TENM1: variants seen among roughly 807,000 people sequenced by gnomAD.
The protein encoded by TENM1 is teneurin-1.
Under a neutral mutation model 174.8 loss-of-function variants are expected in TENM1, and 35 were observed. The observed-to-expected ratio is 0.20, with a 90% CI of 0.15 to 0.27. The LOEUF (loss-of-function observed/expected upper bound fraction) is 0.27, where lower values mean the gene tolerates loss of function less well. Ranked by LOEUF, TENM1 falls within the 10% of genes least tolerant of loss-of-function variation. The pLI, the probability that TENM1 is intolerant of heterozygous loss-of-function variation, is 1.00. For missense variants in TENM1, 1,633 were observed against 2,130.1 expected (o/e 0.77, Z 4.59); for synonymous variants, 781 against 798.7 (o/e 0.98, Z 0.37).
chrX:124,725,220 A>G (rs901415874), intron 4 of TENM1, among the ~76,000 whole-genome samples: 3 of 111,014 alleles, frequency 2.7e-5, no homozygotes, highest in Non-Finnish European at 5.7e-5. Context: ...AAAAAGATCA[A>G]TGTTTTAGGG....
chrX:124,999,521 T>C, the TENM1 span, among the ~76,000 whole-genome samples: 11 of 111,093 alleles, frequency 9.9e-5, no homozygotes, highest in Admixed American at 2.9e-4. Context: ...AAATAGGAGC[T>C]GTCCTAAAAT....
chrX:124,788,283 A>G (rs2055090067), intron 3 of TENM1, among the ~76,000 whole-genome samples: 1 of 110,936 alleles, frequency 9.0e-6, no homozygotes, highest in Non-Finnish European at 1.9e-5. Flanking sequence ...CCTATAACAC[A>G]CGGAAATTAT....
the TENM1 span, chrX:125,204,049 C>T: frequency 1.8e-5 from 2 of 113,766 alleles, no homozygotes; most frequent in African/African-American, 3.2e-5. Context: ...CCGAACCTAG[C>T]TACTATTGCA....
intron 11 of TENM1, among the ~76,000 whole-genome samples, chrX:124,593,554 T>G (rs1448603896): frequency 9.0e-6 from 1 of 111,696 alleles, no homozygotes; most frequent in African/African-American, 3.3e-5. Context: ...GATTTCTGCC[T>G]GGGCATGGGG....
chrX:125,088,442 G>A, the TENM1 span, among the ~76,000 whole-genome samples: 1 of 111,250 alleles, frequency 9.0e-6, no homozygotes, highest in Non-Finnish European at 1.9e-5. Context: ...GTGGTTCATT[G>A]TGACAAATAT....
intron 27 of TENM1, among the ~76,000 whole-genome samples, chrX:124,398,482 AT>A (rs1405166141): frequency 1.8e-5 from 2 of 110,777 alleles, no homozygotes; most frequent in African/African-American, 6.6e-5. Flanking sequence ...TGGAATTCCC[AT>A]TTTTTTCTTT....
At chrX:124,584,668 C>T (rs5958535) in intron 11 of TENM1, among the ~76,000 whole-genome samples, 23,744 of 109,973 alleles carry the variant, frequency 0.22, 1,963 homozygotes, top group South Asian at 0.39. Flanking sequence ...ATGACAGGAT[C>T]AAATTCACAC....
the TENM1 span, among the ~76,000 whole-genome samples, chrX:125,006,303 C>CT: frequency 1.8e-5 from 2 of 111,885 alleles, no homozygotes; most frequent in African/African-American, 6.5e-5. Context: ...TGTGGCCAGA[C>CT]TGCTTCTCTA....
the TENM1 span, among the ~76,000 whole-genome samples, chrX:125,137,002 T>C: frequency 3.6e-5 from 4 of 110,744 alleles, no homozygotes; most frequent in Non-Finnish European, 5.7e-5. Context: ...AATGTGGGCA[T>C]TGGAGTCAGA....
the TENM1 span, among the ~76,000 whole-genome samples, chrX:125,048,822 T>C: frequency 9.0e-6 from 1 of 111,499 alleles, no homozygotes; most frequent in African/African-American, 3.3e-5. Context: ...ATGTAGTAGT[T>C]AAAAGTTCAA....
rs945580730 is a variant in TENM1, at chrX:124,522,787, C to T, written c.3033+577G>A. 9.1e-5 allele frequency among the ~76,000 whole-genome samples: 10 copies of T among 109,374 alleles called. No individual in the cohort carries two copies. In the South Asian group the frequency reaches 1.2e-3, roughly 13 times the overall value. 95.0% of individuals were successfully genotyped at this position (109,374 alleles called of 115,157 possible). A position where few individuals can be genotyped will look rare whatever the true frequency, so the allele number is the denominator to read the frequency against. On this transcript the variant is annotated intron_variant, in intron 17 of 31. Transcript: ENST00000422452. ...CACTGCAACCTCCGTCTCACGGGTT[C>T]AAGCAATTCTCCTGCCTCAGCCTCC... is the stretch of plus-strand genomic sequence containing the variant.
At position 124,586,007 on chromosome X, in the gene TENM1, T is replaced by C. The variant is rs2049497918; in HGVS notation, c.2078-20447A>G. On this transcript the variant is annotated intron_variant, in intron 11 of 31. Transcript: ENST00000422452. Reference sequence around the variant, plus strand: ...ACCAGGAAGAAGGTGACTCTCTGAATAGACCAATAACAGGCTCTGAAATTG... The same window carrying C: ...ACCAGGAAGAAGGTGACTCTCTGAACAGACCAATAACAGGCTCTGAAATTG... Among the ~76,000 whole-genome samples, 3 of 110,559 alleles carry C rather than the reference T, an allele frequency of 2.7e-5. No homozygotes were observed. The South Asian group carries it at 1.1e-3, about 42-fold the overall frequency.
chrX:124,655,386 C>T (rs2051416502), intron 6 of TENM1, among the ~76,000 whole-genome samples: 1 of 112,000 alleles, frequency 8.9e-6, no homozygotes, highest in South Asian at 3.7e-4. Flanking sequence ...GGTAGGAATA[C>T]AAGAGGAGGA....
chrX:125,194,582 A>G, the TENM1 span, among the ~76,000 whole-genome samples: 1 of 111,691 alleles, frequency 9.0e-6, no homozygotes, highest in Non-Finnish European at 1.9e-5. Flanking sequence ...TTTTGGATAA[A>G]CCTCAGGAAA....
the TENM1 span, among the ~76,000 whole-genome samples, chrX:125,090,011 C>T: frequency 9.0e-6 from 1 of 111,596 alleles, no homozygotes; most frequent in Non-Finnish European, 1.9e-5. Flanking sequence ...CTCCTACTCC[C>T]CACATTACAC....
chrX:124,563,694 C>A lies in TENM1; in HGVS notation c.2287+55G>T, dbSNP rs1285571502. 6 of 976,100 alleles carry A rather than the reference C, an allele frequency of 6.1e-6. No individual in the cohort carries two copies. The Admixed American group carries it at 1.5e-4, about 25-fold the overall frequency. 80.4% of individuals were successfully genotyped at this position (976,100 alleles called of 1,213,427 possible). On this transcript the variant is annotated intron_variant, in intron 13 of 31. Transcript: ENST00000422452. ...AACGCTACCCTTTCTTTCTTACATG[C>A]ATATTTTCTTTTAAAAATATATTTC... is the stretch of plus-strand genomic sequence containing the variant.
At chrX:124,676,119 AT>A (rs1433947140) in intron 5 of TENM1, among the ~76,000 whole-genome samples, 1 of 103,921 alleles carries the variant, frequency 9.6e-6, no homozygotes, top group African/African-American at 3.5e-5. Context: ...ACAAATAAGA[AT>A]TAGAAAGTAA....
At chrX:125,125,500 G>C in the TENM1 span, among the ~76,000 whole-genome samples, 2 of 111,619 alleles carry the variant, frequency 1.8e-5, no homozygotes, top group African/African-American at 6.5e-5. Flanking sequence ...AAGAAAATAA[G>C]GTAGTAGCAT....
chrX:124,723,590 GGTTTTTTTTTTT>G (rs1310814162), intron 4 of TENM1, among the ~76,000 whole-genome samples: 2 of 101,687 alleles, frequency 2.0e-5, no homozygotes, highest in Non-Finnish European at 3.9e-5. Flanking sequence ...ATATCTGGTG[GGTTTTTTTTTTT>G]GTTTTTTTTT....
Sources: gnomAD v4.1 joint callset for allele counts (sites outside exome capture counted in the v4.1 genomes callset) on GRCh38, gnomAD v4.1.1 for gene constraint, MANE v1.5 for transcripts, NCBI Gene and HGNC (gene_info 2026-07-23, HGNC 2026-07-21) for gene names.